Variants in TNR observed in about 807,000 individuals in gnomAD.
TNR encodes the protein tenascin-R.
In TNR, 45 loss-of-function variants were observed where a neutral mutation model predicts 150.4. The ratio of observed to expected loss-of-function variants is 0.30; its 90% CI spans 0.24 to 0.38. TNR has a LOEUF of 0.38. Ranked by LOEUF, TNR falls within the 10% of genes least tolerant of loss-of-function variation. The pLI, the probability that TNR is intolerant of heterozygous loss-of-function variation, is 1.00. For missense variants in TNR, 1,544 were observed against 1,759.1 expected, an observed-to-expected ratio of 0.88 and a Z score of 2.19; for synonymous variants, 687 against 678.4, an observed-to-expected ratio of 1.01 and a Z score of -0.20.
chr1:175,350,193 G>T (rs1650990873), intron 18 of TNR, among the ~76,000 whole-genome samples: 1 of 152,190 alleles, frequency 6.6e-6, no homozygotes, highest in Non-Finnish European at 1.5e-5. Context: ...GAACAGCTCA[G>T]CCTGGATGTG....
At chr1:175,543,160 G>A (rs1660567129) in intron 1 of TNR, among the ~76,000 whole-genome samples, 1 of 152,170 alleles carries the variant, frequency 6.6e-6, no homozygotes. Flanking sequence ...ACGAAACAGT[G>A]AGAAAAAACA....
chr1:175,589,849 G>A (rs1275785324), intron 1 of TNR, among the ~76,000 whole-genome samples: 1 of 152,150 alleles, frequency 6.6e-6, no homozygotes, highest in African/African-American at 2.4e-5. Flanking sequence ...GCCTGTCAGG[G>A]GGTTGGGGGC....
chr1:175,520,015 C>T (rs563969198), intron 2 of TNR, among the ~76,000 whole-genome samples: 7 of 152,282 alleles, frequency 4.6e-5, no homozygotes, highest in East Asian at 1.9e-4. Context: ...CTTTCCTGCA[C>T]GGATTTTCTT....
rs975899563 is a variant in TNR at position 175,474,861 on chromosome 1, A to G, written c.-64+53408T>C. On this transcript the variant is annotated intron_variant, in intron 2 of 22. Coordinates refer to ENST00000367674, the MANE Select transcript of TNR (RefSeq NM_003285.3). ...AAAGACAGCATAGCCTAGCTGTCAG[A>G]AGCACAGACACTGGAACCTATGCTC... Among the ~76,000 whole-genome samples the G allele has an allele frequency of 2.0e-5, 3 of 152,248 alleles. No individual in the cohort carries two copies. The East Asian group carries it at 5.8e-4, about 29-fold the overall frequency.
At chr1:175,738,964 T>C (rs976007483) in intron 1 of TNR, among the ~76,000 whole-genome samples, 1 of 152,224 alleles carries the variant, frequency 6.6e-6, no homozygotes, top group Admixed American at 6.5e-5. Context: ...TCTACTGGAA[T>C]TGGCTTGTGG....
intron 9 of TNR, among the ~76,000 whole-genome samples, chr1:175,368,884 G>A (rs958931842): frequency 3.9e-5 from 6 of 152,188 alleles, no homozygotes; most frequent in African/African-American, 1.4e-4. Flanking sequence ...GGGAGGCTGA[G>A]GTTGCAGTGA....
At position 175,332,212 on chromosome 1, in the gene TNR, C is replaced by T. The variant is rs893422548; in HGVS notation, c.3632-1977G>A. Among the ~76,000 whole-genome samples, 12 of 152,284 alleles carry T rather than the reference C, an allele frequency of 7.9e-5. No homozygotes were observed. The East Asian group carries it at 2.3e-3, about 29-fold the overall frequency. On this transcript the variant is annotated intron_variant, in intron 20 of 22. Transcript: ENST00000367674. ...TCCCACCATGCCTTGGAGCAGACCTCCATCAGTGACTGATGTGGAGAGGTT... is the reference window on the plus strand; with the variant it reads ...TCCCACCATGCCTTGGAGCAGACCTTCATCAGTGACTGATGTGGAGAGGTT...
chr1:175,623,614 A>C (rs556978923), intron 1 of TNR, among the ~76,000 whole-genome samples: 1 of 152,246 alleles, frequency 6.6e-6, no homozygotes, highest in East Asian at 1.9e-4. Context: ...GCATTTGTAT[A>C]TACTGTTTCC....
intron 2 of TNR, among the ~76,000 whole-genome samples, chr1:175,505,516 C>CT (rs1658926922): frequency 6.6e-6 from 1 of 152,212 alleles, no homozygotes; most frequent in African/African-American, 2.4e-5. Context: ...GTCAGAGTAG[C>CT]GCCTGGGCTG....
intron 2 of TNR, among the ~76,000 whole-genome samples, chr1:175,515,818 C>G (rs1361765214): frequency 1.3e-5 from 2 of 152,142 alleles, no homozygotes; most frequent in African/African-American, 2.4e-5. Flanking sequence ...GGCATGGATG[C>G]TCTTTTTAAG....
intron 22 of TNR, 121 bp from the exon 23 acceptor site, chr1:175,323,597 A>G (rs1649183774): frequency 2.1e-6 from 3 of 1,399,370 alleles, no homozygotes; most frequent in Non-Finnish European, 1.9e-6. Flanking sequence ...TTCAGCTAAC[A>G]TGAAGCTTCA....
chr1:175,659,097 G>T (rs949150469), intron 1 of TNR, among the ~76,000 whole-genome samples: 21 of 152,320 alleles, frequency 1.4e-4, no homozygotes, highest in African/African-American at 5.1e-4. Flanking sequence ...CATTGCCCCA[G>T]CAGTCTCAGC....
intron 2 of TNR, among the ~76,000 whole-genome samples, chr1:175,493,059 A>C (rs1403350234): frequency 6.6e-6 from 1 of 151,998 alleles, no homozygotes; most frequent in African/African-American, 2.4e-5. Context: ...CTCCTGTGAC[A>C]CATTATTCTC....
intron 1 of TNR, among the ~76,000 whole-genome samples, chr1:175,631,447 TA>T (rs2101873591): frequency 6.6e-6 from 1 of 152,244 alleles, no homozygotes; most frequent in East Asian, 1.9e-4. Context: ...CCCAAATTTG[TA>T]AACTTTCTTG....
At chr1:175,731,150 C>G (rs1667628437) in intron 1 of TNR, among the ~76,000 whole-genome samples, 1 of 152,216 alleles carries the variant, frequency 6.6e-6, no homozygotes, top group African/African-American at 2.4e-5. Context: ...GCCCATGAAG[C>G]TGGTTCTGTC....
chr1:175,734,148 G>T (rs1172729036), intron 1 of TNR, among the ~76,000 whole-genome samples: 1 of 152,182 alleles, frequency 6.6e-6, no homozygotes, highest in African/African-American at 2.4e-5. Context: ...ACTCCATGGG[G>T]AGAATGTATG....
chr1:175,607,398 G>T (rs1027935984), intron 1 of TNR, among the ~76,000 whole-genome samples: 2 of 152,210 alleles, frequency 1.3e-5, no homozygotes, highest in African/African-American at 4.8e-5. Flanking sequence ...TGTGACTACA[G>T]CATCCATGGA....
chr1:175,613,043 C>A (rs550883274), intron 1 of TNR, among the ~76,000 whole-genome samples: 39 of 152,268 alleles, frequency 2.6e-4, no homozygotes, highest in African/African-American at 8.9e-4. Flanking sequence ...TGAATCATTA[C>A]CTTGTGACTA....
chr1:175,674,042 C>T (rs1467816716), intron 1 of TNR, among the ~76,000 whole-genome samples: 1 of 152,182 alleles, frequency 6.6e-6, no homozygotes, highest in Non-Finnish European at 1.5e-5. Flanking sequence ...AACTCTTCCC[C>T]ATCCTGGTGG....
Sources: allele counts gnomAD v4.1 joint callset (sites outside exome capture counted in the v4.1 genomes callset), GRCh38; gene constraint gnomAD v4.1.1; transcripts MANE v1.5; gene names NCBI Gene and HGNC (gene_info 2026-07-23, HGNC 2026-07-21).